Variants in GRM1 observed in about 807,000 individuals in gnomAD.
GRM1 encodes glutamate metabotropic receptor 1.
GRM1 carries 33 observed loss-of-function variants against 90.9 expected under a neutral mutation model. The observed-to-expected ratio is 0.36, with a 90% CI of 0.28 to 0.49. The LOEUF is 0.49. Among genes scored for constraint, GRM1 ranks in the 20% least tolerant of loss-of-function variants. The pLI, the probability that GRM1 is intolerant of heterozygous loss-of-function variation, is 0.99. For missense variants in GRM1, 1,190 were observed against 1,534.3 expected (o/e 0.78, Z 3.75); for synonymous variants, 700 against 613.2 (o/e 1.14, Z -2.09).
intron 7 of GRM1, among the ~76,000 whole-genome samples, chr6:146,423,506 G>C (rs923855055): frequency 2.6e-5 from 4 of 151,422 alleles, no homozygotes; most frequent in Non-Finnish European, 5.9e-5. Flanking sequence ...TAGTTAATTA[G>C]GGTGTCTTTG....
chr6:146,159,323 A>G, intron 1 of GRM1, 25 bp from the exon 2 acceptor site: 2 of 1,613,960 alleles, frequency 1.2e-6, no homozygotes, highest in Non-Finnish European at 1.7e-6. Flanking sequence ...GTTGTCTTGA[A>G]CATCTGCTGA....
At chr6:146,028,778 C>T (rs552607343), upstream of GRM1, among the ~76,000 whole-genome samples, 2 of 152,236 alleles carry the variant, frequency 1.3e-5, no homozygotes, top group South Asian at 4.1e-4. Flanking sequence ...ATTTTAAAGT[C>T]GCGCTTCCAC....
chr6:146,028,391 C>T (rs1480277057), upstream of GRM1, among the ~76,000 whole-genome samples: 1 of 151,838 alleles, frequency 6.6e-6, no homozygotes, highest in Non-Finnish European at 1.5e-5. Context: ...CTGGCTGGAC[C>T]GAGCACTGTC....
intron 7 of GRM1, among the ~76,000 whole-genome samples, chr6:146,429,751 C>G (rs537738329): frequency 6.6e-6 from 1 of 152,242 alleles, no homozygotes; most frequent in East Asian, 1.9e-4. Flanking sequence ...CAATTCCCTC[C>G]TTGCTGGGAC....
chr6:146,304,997 A>G, intron 3 of GRM1, 151 bp downstream of exon 3: 1 of 695,634 alleles, frequency 1.4e-6, no homozygotes, highest in Non-Finnish European at 2.6e-6. Context: ...ATAAGGAGGA[A>G]TTGTGTATTA....
intron 3 of GRM1, among the ~76,000 whole-genome samples, chr6:146,314,051 C>CTTTTTTTTTTTTTTTT (rs552986343): frequency 3.2e-5 from 2 of 62,000 alleles, no homozygotes; most frequent in Non-Finnish European, 5.2e-5. Flanking sequence ...TAGTTAATTC[C>CTTTTTTTTTTTTTTTT]TTTTTTTTTT....
At chr6:146,166,088 A>G (rs985029421) in intron 2 of GRM1, among the ~76,000 whole-genome samples, 5 of 152,032 alleles carry the variant, frequency 3.3e-5, no homozygotes, top group African/African-American at 1.2e-4. Flanking sequence ...GATTCAGCTC[A>G]TTTTGTCTTT....
intron 2 of GRM1, among the ~76,000 whole-genome samples, chr6:146,260,804 G>GTTTTTTTTTTTTTTTTT (rs56956724): frequency 2.6e-4 from 6 of 22,740 alleles, no homozygotes; most frequent in African/African-American, 8.5e-4. Context: ...GGTTATTTGG[G>GTTTTTTTTTTTTTTTTT]TTTTTTTTTT....
At chr6:146,293,592 TA>T (rs1783072512) in intron 2 of GRM1, among the ~76,000 whole-genome samples, 3 of 152,024 alleles carry the variant, frequency 2.0e-5, no homozygotes, top group Non-Finnish European at 4.4e-5. Context: ...CTGGTTTTAG[TA>T]TTGTTATAAT....
At chr6:146,316,281 C>T (rs996433780) in intron 3 of GRM1, among the ~76,000 whole-genome samples, 6 of 152,206 alleles carry the variant, frequency 3.9e-5, no homozygotes, top group Non-Finnish European at 7.3e-5. Context: ...CCACACCTCT[C>T]TCTGGACGTG....
chr6:146,088,230 A>G (rs1282616192), intron 1 of GRM1, among the ~76,000 whole-genome samples: 1 of 152,084 alleles, frequency 6.6e-6, no homozygotes, highest in Non-Finnish European at 1.5e-5. Flanking sequence ...TTATGTGTAT[A>G]TTCTTTCAGT....
chr6:146,328,344 C>T (rs1784469048), intron 3 of GRM1, among the ~76,000 whole-genome samples: 1 of 152,148 alleles, frequency 6.6e-6, no homozygotes, highest in Admixed American at 6.6e-5. Context: ...TAAAGACACA[C>T]TGACACAACA....
In GRM1 at chr6:146,079,648, G is replaced by A. The variant is rs555006657; in HGVS notation, c.700+49431G>A. 2.6e-5 allele frequency among the ~76,000 whole-genome samples: 4 copies of A among 152,248 alleles called. No individual in the cohort carries two copies. In the East Asian group the frequency reaches 7.7e-4, roughly 29 times the overall value. The stretch of plus-strand genomic sequence containing the variant: ...CCTCCTCCCATTTTGTATGGTACCT[G>A]GGCATGGAGAGCAAGTACTCCAAGG... On this transcript the variant is annotated intron_variant, in intron 1 of 7. Coordinates refer to ENST00000282753, the MANE Select transcript of GRM1 (RefSeq NM_001278064.2).
rs1027470366 is a variant in GRM1 at position 146,139,263 on chromosome 6, A to G, written c.701-20085A>G. 3.5e-4 allele frequency among the ~76,000 whole-genome samples: 54 copies of G among 152,182 alleles called. 2 individuals carry two copies. On this transcript the variant is annotated intron_variant, in intron 1 of 7. Coordinates refer to ENST00000282753, the MANE Select transcript of GRM1 (RefSeq NM_001278064.2). ...TGGCCTATCCTTGAGAATTATCCATATGCTGAGAAGAATATGTATTCTGGA... is the reference window on the plus strand; with the variant it reads ...TGGCCTATCCTTGAGAATTATCCATGTGCTGAGAAGAATATGTATTCTGGA...
At chr6:146,290,555 C>A (rs1782944529) in intron 2 of GRM1, among the ~76,000 whole-genome samples, 1 of 152,112 alleles carries the variant, frequency 6.6e-6, no homozygotes, top group African/African-American at 2.4e-5. Context: ...GGAATTATTC[C>A]CAGGCTTTGA....
chr6:146,327,451 A>T (rs1343555010), intron 3 of GRM1, among the ~76,000 whole-genome samples: 1 of 152,220 alleles, frequency 6.6e-6, no homozygotes, highest in African/African-American at 2.4e-5. Context: ...ACTCTTCCTG[A>T]TAGTGAGTCC....
chr6:146,253,701 T>A (rs1476264622), intron 2 of GRM1, among the ~76,000 whole-genome samples: 2 of 152,158 alleles, frequency 1.3e-5, no homozygotes, highest in African/African-American at 4.8e-5. Flanking sequence ...ACTCCTGAAC[T>A]TTTTCCTGAA....
At chr6:146,347,062 A>C (rs746864685) in intron 3 of GRM1, among the ~76,000 whole-genome samples, 1 of 152,246 alleles carries the variant, frequency 6.6e-6, no homozygotes, top group African/African-American at 2.4e-5. Context: ...ATGGGGTTGC[A>C]TTAATGAACT....
At chr6:146,147,393 T>C (rs923085574) in intron 1 of GRM1, among the ~76,000 whole-genome samples, 1 of 152,146 alleles carries the variant, frequency 6.6e-6, no homozygotes, top group African/African-American at 2.4e-5. Context: ...TTATGACAAA[T>C]AAGGCGACGA....
Sources: allele counts gnomAD v4.1 joint callset (sites outside exome capture counted in the v4.1 genomes callset), GRCh38; gene constraint gnomAD v4.1.1; transcripts MANE v1.5; gene names NCBI Gene and HGNC (gene_info 2026-07-23, HGNC 2026-07-21).